The following MYOM1 variants were observed in gnomAD, a reference collection of about 807,000 sequenced individuals.
MYOM1 encodes myomesin 1, also known as myomesin-1.
In MYOM1, 164 loss-of-function variants were observed where a neutral mutation model predicts 205.3. The ratio of observed to expected loss-of-function variants is 0.80; its 90% CI spans 0.70 to 0.91. The LOEUF is 0.91. Ranked by LOEUF, MYOM1 falls within the 40% of genes least tolerant of loss-of-function variation. The pLI is 0.00. For missense variants in MYOM1, 2,011 were observed against 2,127.3 expected, an observed-to-expected ratio of 0.95 and a Z score of 1.08; for synonymous variants, 772 against 789.4, an observed-to-expected ratio of 0.98 and a Z score of 0.37.
rs1437226766 is a variant in MYOM1 at position 3,168,985 on chromosome 18, G to C, written c.1175-4C>G. 6.3e-7 allele frequency: 1 copy of C among 1,599,336 alleles called. No homozygotes were observed. Among genetic ancestry groups the C allele is most frequent in the South Asian group, 1.1e-5 (1 of 88,416 alleles). ...TAACCATATGGGGTCACACCAACTG[G>C]GTACAAAAATAACAAATATCAGTAA... On this transcript the variant is annotated splice_region_variant and splice_polypyrimidine_tract_variant and intron_variant, in intron 8 of 37. Coordinates refer to ENST00000356443, the MANE Select transcript of MYOM1 (RefSeq NM_003803.4).
At chr18:3,235,536 A>G in the MYOM1 span, among the ~76,000 whole-genome samples, 1 of 152,228 alleles carries the variant, frequency 6.6e-6, no homozygotes, top group Non-Finnish European at 1.5e-5. Flanking sequence ...TGTTGGCCTC[A>G]TGTTTCTAAA....
chr18:3,107,575 T>TAAAAAAACCA (rs888561490), intron 22 of MYOM1, among the ~76,000 whole-genome samples: 8 of 152,162 alleles, frequency 5.3e-5, no homozygotes, highest in Non-Finnish European at 1.0e-4. Context: ...GATTGAGATT[T>TAAAAAAACCA]AAAAAAACCA....
chr18:3,103,071 C>T (rs907671545), intron 22 of MYOM1, among the ~76,000 whole-genome samples: 1 of 151,996 alleles, frequency 6.6e-6, no homozygotes, highest in African/African-American at 2.4e-5. Flanking sequence ...GGAGAAAGTC[C>T]GCATGCAATC....
rs1322851613 is a variant in MYOM1 at position 3,151,798 on chromosome 18, T to C, written c.1739A>G (p.Tyr580Cys). ...ATTCACAGCTCGAACTCGGAAGATA[T>C]AGGAACGACCTTCGATCAATCCAGT... Reference protein sequence around the residue: ...PVTGLIEGRSYIFRVRAVNKM... With the variant: ...PVTGLIEGRSCIFRVRAVNKM... Residue 580 changes from tyrosine to cysteine, a missense_variant, in exon 12 of 38, where the codon TAT (tyrosine) becomes TGT (cysteine). Coordinates refer to ENST00000356443, the MANE Select transcript of MYOM1 (RefSeq NM_003803.4). 1.4e-5 allele frequency: 22 copies of C among 1,613,898 alleles called. No homozygotes were observed. The highest frequency in any genetic ancestry group is 2.2e-5 in the East Asian group (1 of 44,882).
intron 19 of MYOM1, among the ~76,000 whole-genome samples, chr18:3,122,875 G>A (rs1274888728): frequency 6.6e-6 from 1 of 152,134 alleles, no homozygotes; most frequent in South Asian, 2.1e-4. Context: ...TCCTTTAACC[G>A]ATAATAGATG....
At chr18:3,224,101 T>C (rs2081342591), upstream of MYOM1, among the ~76,000 whole-genome samples, 1 of 150,984 alleles carries the variant, frequency 6.6e-6, no homozygotes, top group African/African-American at 2.4e-5. Context: ...TGATCTCAGC[T>C]CACTGCAACC....
intron 22 of MYOM1, among the ~76,000 whole-genome samples, chr18:3,108,171 C>T (rs543506166): frequency 2.2e-4 from 33 of 152,206 alleles, no homozygotes; most frequent in Non-Finnish European, 3.7e-4. Flanking sequence ...ACTGATTTGA[C>T]TGATAACTCT....
chr18:3,160,042 C>A (rs1473376001), intron 10 of MYOM1, among the ~76,000 whole-genome samples: 1 of 149,616 alleles, frequency 6.7e-6, no homozygotes, highest in Non-Finnish European at 1.5e-5. Context: ...TCTTCCTCCT[C>A]CTTCTCCTCC....
intron 9 of MYOM1, among the ~76,000 whole-genome samples, chr18:3,167,365 GTTATT>G (rs749337065): frequency 1.3e-5 from 2 of 152,120 alleles, no homozygotes; most frequent in Non-Finnish European, 2.9e-5. Flanking sequence ...GAGATTTATT[GTTATT>G]TTATTTTATG....
chr18:3,230,235 C>A, the MYOM1 span, among the ~76,000 whole-genome samples: 2 of 152,072 alleles, frequency 1.3e-5, no homozygotes, highest in African/African-American at 4.8e-5. Flanking sequence ...ATATTTGTTA[C>A]AAAATCTCTT....
chr18:3,175,001 C>T (rs142445768), intron 6 of MYOM1, among the ~76,000 whole-genome samples: 1 of 152,090 alleles, frequency 6.6e-6, no homozygotes, highest in African/African-American at 2.4e-5. Flanking sequence ...TTACCAGTTT[C>T]TCGTGTTCTT....
rs1060504726 is a variant in MYOM1, at chr18:3,116,391, C to T, written c.3243G>A (p.Lys1081=). ...GCCCTCGCCACTGGTCTTCTTTGGC[C>T]TTGGCCTCCTTCAAGTCCACGAAGT... The part of the protein sequence containing the change: ...TGYFVDLKEA[K]AKEDQWRGLN... The change falls in exon 21 of 38, where the codon AAG becomes AAA. Residue 1081 remains lysine (K), a synonymous_variant. Transcript: ENST00000356443. 3.1e-6 allele frequency: 5 copies of T among 1,613,542 alleles called. No homozygotes were observed. The highest frequency in any genetic ancestry group is 1.3e-5 in the African/African-American group (1 of 75,026).
rs759033017 is a variant in MYOM1 at position 3,134,744 on chromosome 18, C to T, written c.2290G>A (p.Asp764Asn). ...TAGTACCCGACCAGCTCTTTGGCAT[C>T]TTTGGACTCCTCCCACGAAACTACC... Reference protein sequence around the residue: ...SVVVSWEESKDAKELVGYYIE... With the variant: ...SVVVSWEESKNAKELVGYYIE... Residue 764 changes from aspartate to asparagine, a missense_variant, in exon 16 of 38, where the codon GAT (aspartate) becomes AAT (asparagine). Transcript: ENST00000356443. The T allele has an allele frequency of 1.2e-6, 2 of 1,613,854 alleles. No individual in the cohort carries two copies.
intron 22 of MYOM1, among the ~76,000 whole-genome samples, chr18:3,105,519 T>C (rs1324377099): frequency 6.6e-6 from 1 of 152,146 alleles, no homozygotes; most frequent in African/African-American, 2.4e-5. Context: ...TTCAGGTTTT[T>C]GAATGGCCAA....
chr18:3,197,439 A>AT (rs1567963578), intron 2 of MYOM1, among the ~76,000 whole-genome samples: 3 of 152,088 alleles, frequency 2.0e-5, no homozygotes, highest in African/African-American at 7.2e-5. Context: ...AGTACTCTCA[A>AT]TTTAAAAAAA....
intron 27 of MYOM1, 117 bp from the exon 28 acceptor site, chr18:3,089,713 C>G: frequency 1.5e-6 from 1 of 670,870 alleles, no homozygotes; most frequent in East Asian, 3.1e-5. Context: ...TTGTGACAAC[C>G]CTGCTCATTT....
At chr18:3,188,089 T>G (rs377146152) in intron 4 of MYOM1, among the ~76,000 whole-genome samples, 9 of 151,982 alleles carry the variant, frequency 5.9e-5, no homozygotes, top group African/African-American at 2.2e-4. Flanking sequence ...GTAATTCTCC[T>G]GCCTTGGCCT....
At chr18:3,245,644 A>G in the MYOM1 span, among the ~76,000 whole-genome samples, 2 of 152,208 alleles carry the variant, frequency 1.3e-5, no homozygotes, top group Non-Finnish European at 2.9e-5. Flanking sequence ...ATGAATGAAC[A>G]CAGACTACAC....
Position 3,080,051 on chromosome 18 carries a change from G to A in MYOM1, c.4485-709C>T, listed in dbSNP as rs192986441. On this transcript the variant is annotated intron_variant, in intron 33 of 37. Coordinates refer to ENST00000356443, the MANE Select transcript of MYOM1 (RefSeq NM_003803.4). ...GTGTAGAAATACTACAGATATAGAC[G>A]AACTAAGAGAAAGCTAGGTAGATGT... Among the ~76,000 whole-genome samples the A allele has an allele frequency of 5.9e-4, 89 of 152,008 alleles. 1 individual carries two copies. Among genetic ancestry groups the A allele is most frequent in the African/African-American group, 1.8e-3 (73 of 41,486 alleles).
Sources: gnomAD v4.1 joint callset for allele counts (sites outside exome capture counted in the v4.1 genomes callset) on GRCh38, gnomAD v4.1.1 for gene constraint, MANE v1.5 for transcripts, NCBI Gene and HGNC (gene_info 2026-07-23, HGNC 2026-07-21) for gene names.